GRIN2A: variants seen among roughly 807,000 people sequenced by gnomAD.
GRIN2A encodes glutamate receptor ionotropic, NMDA 2A.
In GRIN2A, 22 loss-of-function variants were observed where a neutral mutation model predicts 113.4. The observed-to-expected ratio is 0.19, with a 90% CI of 0.14 to 0.28. The LOEUF (loss-of-function observed/expected upper bound fraction) is 0.28, where lower values mean the gene tolerates loss of function less well. GRIN2A is among the 10% of genes least tolerant of loss of function. The probability of loss-of-function intolerance (pLI) is 1.00; values close to 1 mark genes in which losing one functional copy is unlikely to be tolerated. For missense variants in GRIN2A, 1,502 were observed against 1,887.0 expected (o/e 0.80, Z 3.78); for synonymous variants, 827 against 738.4 (o/e 1.12, Z -1.94).
intron 2 of GRIN2A, among the ~76,000 whole-genome samples, chr16:10,104,650 G>A (rs186056337): frequency 4.0e-4 from 61 of 152,178 alleles, no homozygotes; most frequent in African/African-American, 1.3e-3. Flanking sequence ...TCCAGGGTGC[G>A]CACATGACAG....
chr16:10,013,413 A>G (rs945731187), intron 2 of GRIN2A, among the ~76,000 whole-genome samples: 1 of 152,204 alleles, frequency 6.6e-6, no homozygotes, highest in Non-Finnish European at 1.5e-5. Context: ...GAGAGCTTTA[A>G]TATTTCAAAG....
chr16:9,907,181 G>T (rs903266462), intron 3 of GRIN2A, among the ~76,000 whole-genome samples: 3 of 152,194 alleles, frequency 2.0e-5, no homozygotes, highest in African/African-American at 7.2e-5. Context: ...GGGCAATTAT[G>T]AAAAGAGATT....
At chr16:10,009,100 G>C (rs1379683868) in intron 2 of GRIN2A, among the ~76,000 whole-genome samples, 2 of 152,180 alleles carry the variant, frequency 1.3e-5, no homozygotes, top group African/African-American at 4.8e-5. Flanking sequence ...GGTGAATCAT[G>C]TCAATTTGCT....
intron 2 of GRIN2A, among the ~76,000 whole-genome samples, chr16:10,073,215 C>A (rs2047795717): frequency 6.6e-6 from 1 of 152,012 alleles, no homozygotes. Context: ...CTTGGCCTAC[C>A]AAAATGCTGG....
At chr16:9,769,451 C>CTTTT in intron 11 of GRIN2A, among the ~76,000 whole-genome samples, 1 of 104,888 alleles carries the variant, frequency 9.5e-6, no homozygotes, top group Non-Finnish European at 1.9e-5. Flanking sequence ...GGAGTTTTGT[C>CTTTT]TTTTTTTTTT....
At chr16:9,787,407 T>A (rs924956870) in intron 11 of GRIN2A, among the ~76,000 whole-genome samples, 2 of 152,192 alleles carry the variant, frequency 1.3e-5, no homozygotes, top group African/African-American at 4.8e-5. Flanking sequence ...TGCCCCACCC[T>A]CTACCCCACT....
chr16:10,070,519 A>T (rs1205057656), intron 2 of GRIN2A, among the ~76,000 whole-genome samples: 1 of 118,068 alleles, frequency 8.5e-6, no homozygotes, highest in Non-Finnish European at 2.0e-5. Flanking sequence ...AATTACAGTT[A>T]AAAAAAAATG....
rs927441884 is a variant in GRIN2A, at chr16:10,083,120, TCTCAAAC to T, written c.414+96871_414+96877del. Among the ~76,000 whole-genome samples, 31 of 152,276 alleles carry T rather than the reference TCTCAAAC, an allele frequency of 2.0e-4. No individual in the cohort carries two copies. In the South Asian group the frequency reaches 2.7e-3, roughly 13 times the overall value. On this transcript the variant is annotated intron_variant, in intron 2 of 12. Transcript: ENST00000330684. Reference sequence around the variant, plus strand: ...AAAATTTTCAAAGAAAACATCCAAGTCTCAAACCTCAAACCTCAAACCACTTCATCCA... The same window carrying T: ...AAAATTTTCAAAGAAAACATCCAAGTCTCAAACCTCAAACCACTTCATCCA...
chr16:10,000,064 T>G (rs2046294101), intron 2 of GRIN2A, among the ~76,000 whole-genome samples: 1 of 152,128 alleles, frequency 6.6e-6, no homozygotes, highest in South Asian at 2.1e-4. Context: ...CTACCTTCAC[T>G]ATACATCTCC....
At chr16:10,044,010 T>TAC (rs1567257883) in intron 2 of GRIN2A, among the ~76,000 whole-genome samples, 19 of 116,310 alleles carry the variant, frequency 1.6e-4, no homozygotes, top group African/African-American at 5.3e-4. Flanking sequence ...TGTGTGTGTA[T>TAC]ATATATATAT....
chr16:10,159,574 T>G (rs943240411), intron 2 of GRIN2A, among the ~76,000 whole-genome samples: 4 of 152,122 alleles, frequency 2.6e-5, no homozygotes. Flanking sequence ...CTGGAGTGAC[T>G]CCTGACTTCC....
intron 2 of GRIN2A, among the ~76,000 whole-genome samples, chr16:10,171,203 T>G (rs2142358089): frequency 6.6e-6 from 1 of 152,318 alleles, no homozygotes; most frequent in East Asian, 1.9e-4. Context: ...CCCAAAGCCC[T>G]AGGTTCTAGT....
chr16:9,975,193 C>A (rs1391498828), intron 2 of GRIN2A, among the ~76,000 whole-genome samples: 2 of 151,994 alleles, frequency 1.3e-5, no homozygotes, highest in African/African-American at 2.4e-5. Flanking sequence ...CTCTAAAAAT[C>A]CATAAAAAGG....
intron 2 of GRIN2A, among the ~76,000 whole-genome samples, chr16:10,080,896 C>G (rs963123767): frequency 6.6e-6 from 1 of 152,148 alleles, no homozygotes; most frequent in African/African-American, 2.4e-5. Context: ...CTCAGGTAGC[C>G]CATTCCTTCA....
chr16:9,914,815 A>C (rs2044210036), intron 3 of GRIN2A, among the ~76,000 whole-genome samples: 1 of 149,154 alleles, frequency 6.7e-6, no homozygotes, highest in African/African-American at 2.5e-5. Flanking sequence ...GCTACAAGAC[A>C]GCTAAGGGGC....
intron 2 of GRIN2A, among the ~76,000 whole-genome samples, chr16:9,982,765 C>A (rs965942670): frequency 5.3e-5 from 8 of 152,180 alleles, no homozygotes; most frequent in Admixed American, 4.6e-4. Context: ...TCTTTGGTAA[C>A]TGCTTTGCTC....
chr16:10,023,816 C>A (rs942620301), intron 2 of GRIN2A, among the ~76,000 whole-genome samples: 2 of 152,148 alleles, frequency 1.3e-5, no homozygotes, highest in Non-Finnish European at 2.9e-5. Context: ...GTTAATCCCC[C>A]AATAGCCCAG....
intron 11 of GRIN2A, among the ~76,000 whole-genome samples, chr16:9,781,328 T>C (rs531560362): frequency 1.3e-5 from 2 of 152,332 alleles, no homozygotes; most frequent in Admixed American, 6.5e-5. Flanking sequence ...AATTGGTACA[T>C]TGATCCACTA....
chr16:10,172,391 C>T (rs747077145), intron 2 of GRIN2A, among the ~76,000 whole-genome samples: 4 of 152,228 alleles, frequency 2.6e-5, no homozygotes, highest in Non-Finnish European at 5.9e-5. Flanking sequence ...ACATGGCATC[C>T]ATGGTTGCAT....
Sources: gnomAD v4.1 joint callset for allele counts (sites outside exome capture counted in the v4.1 genomes callset) on GRCh38, gnomAD v4.1.1 for gene constraint, MANE v1.5 for transcripts, NCBI Gene and HGNC (gene_info 2026-07-23, HGNC 2026-07-21) for gene names.